The following MAPRE2 variants were observed in gnomAD, a reference collection of about 807,000 sequenced individuals.
MAPRE2 encodes microtubule-associated protein RP/EB family member 2.
In MAPRE2, 13 loss-of-function variants were observed where a neutral mutation model predicts 43.2. The ratio of observed to expected loss-of-function variants is 0.30; its 90% CI spans 0.20 to 0.48. The LOEUF (loss-of-function observed/expected upper bound fraction) is 0.48. Ranked by LOEUF, MAPRE2 falls within the 20% of genes least tolerant of loss-of-function variation. The probability of loss-of-function intolerance (pLI) is 0.99; values close to 1 mark genes in which losing one functional copy is unlikely to be tolerated. For missense variants in MAPRE2, 161 were observed against 400.2 expected, an observed-to-expected ratio of 0.40 and a Z score of 5.10; for synonymous variants, 135 against 148.8, an observed-to-expected ratio of 0.91 and a Z score of 0.68.
intron 2 of MAPRE2, among the ~76,000 whole-genome samples, chr18:35,028,005 C>T (rs887604734): frequency 1.6e-4 from 24 of 152,236 alleles, no homozygotes; most frequent in African/African-American, 5.8e-4. Context: ...GGGCAGCAGA[C>T]CTGCCTTCTT....
chr18:35,117,883 T>A (rs1909483071), intron 4 of MAPRE2, among the ~76,000 whole-genome samples: 1 of 152,150 alleles, frequency 6.6e-6, no homozygotes, highest in Admixed American at 6.5e-5. Context: ...AAATAACTAT[T>A]TAAAAGAGAA....
At chr18:35,019,673 A>C (rs1239820033) in intron 2 of MAPRE2, among the ~76,000 whole-genome samples, 2 of 152,096 alleles carry the variant, frequency 1.3e-5, no homozygotes, top group Non-Finnish European at 2.9e-5. Context: ...AGAGTTGACC[A>C]TTATTTATCC....
At chr18:35,095,530 T>C (rs1603400512) in intron 2 of MAPRE2, among the ~76,000 whole-genome samples, 1 of 151,658 alleles carries the variant, frequency 6.6e-6, no homozygotes, top group Non-Finnish European at 1.5e-5. Context: ...AGGGTTTTTT[T>C]TTTTTTTCAA....
intron 1 of MAPRE2, among the ~76,000 whole-genome samples, chr18:35,000,947 C>T (rs1024509064): frequency 6.6e-6 from 1 of 152,070 alleles, no homozygotes; most frequent in Non-Finnish European, 1.5e-5. Context: ...GATAAAATTC[C>T]ACTCCATACA....
intron 1 of MAPRE2, among the ~76,000 whole-genome samples, chr18:35,003,202 G>A (rs1177715433): frequency 2.6e-5 from 4 of 152,174 alleles, no homozygotes; most frequent in Non-Finnish European, 1.5e-5. Context: ...TTGCAAGGCT[G>A]GGACTTCTTG....
intron 1 of MAPRE2, among the ~76,000 whole-genome samples, chr18:34,980,442 T>C (rs537746036): frequency 2.0e-5 from 3 of 152,294 alleles, no homozygotes; most frequent in Non-Finnish European, 1.5e-5. Context: ...CTTGGTATTC[T>C]ATTTTCTCAT....
chr18:35,115,753 T>C (rs941069560), intron 4 of MAPRE2, among the ~76,000 whole-genome samples: 50 of 152,246 alleles, frequency 3.3e-4, no homozygotes, highest in African/African-American at 1.2e-3. Flanking sequence ...TACCACATTC[T>C]CTTTATCCAC....
intron 1 of MAPRE2, among the ~76,000 whole-genome samples, chr18:35,068,464 A>G (rs1365348819): frequency 2.6e-5 from 4 of 152,212 alleles, no homozygotes; most frequent in African/African-American, 9.6e-5. Context: ...CAATAAAGGT[A>G]TAATTTCAAT....
rs536908983 is a variant in MAPRE2, at chr18:35,076,581, G to A, written c.250+6259G>A. Reference sequence around the variant, plus strand: ...TTACCCTGACAGACTCCCCAGGCTAGGGGGGCCTTTGTCTTATGACACAGG... The same window carrying A: ...TTACCCTGACAGACTCCCCAGGCTAAGGGGGCCTTTGTCTTATGACACAGG... On this transcript the variant is annotated intron_variant, in intron 2 of 6. Transcript: ENST00000300249. 4.0e-5 allele frequency among the ~76,000 whole-genome samples: 6 copies of A among 151,874 alleles called. No individual in the cohort carries two copies. The South Asian group carries it at 1.2e-3, about 31-fold the overall frequency.
chr18:35,131,424 G>A (rs771106615), intron 5 of MAPRE2, among the ~76,000 whole-genome samples: 1 of 152,148 alleles, frequency 6.6e-6, no homozygotes, highest in African/African-American at 2.4e-5. Flanking sequence ...CACAGTTCTG[G>A]AGACTGGGAT....
intron 1 of MAPRE2, among the ~76,000 whole-genome samples, chr18:35,069,224 T>C (rs2150622245): frequency 6.6e-6 from 1 of 152,192 alleles, no homozygotes; most frequent in East Asian, 1.9e-4. Flanking sequence ...AGAAGAAACT[T>C]TATAAAGAAA....
intron 2 of MAPRE2, among the ~76,000 whole-genome samples, chr18:35,035,332 A>AG (rs2097049994): frequency 9.1e-6 from 1 of 109,306 alleles, no homozygotes; most frequent in African/African-American, 3.5e-5. Flanking sequence ...TGGACAAAGG[A>AG]GGGGGAACAT....
At chr18:34,988,665 TG>T (rs1404546852) in intron 1 of MAPRE2, 9 of 152,170 alleles carry the variant, frequency 5.9e-5, no homozygotes, top group Non-Finnish European at 1.0e-4. Context: ...ATCTACACAC[TG>T]GGAATGAAGC....
intron 1 of MAPRE2, among the ~76,000 whole-genome samples, chr18:35,053,758 G>A (rs892949987): frequency 6.6e-5 from 10 of 152,110 alleles, no homozygotes; most frequent in African/African-American, 2.2e-4. Flanking sequence ...ACACAAAGAA[G>A]AGAACAACAG....
At chr18:35,131,545 G>T (rs1440581000) in intron 5 of MAPRE2, among the ~76,000 whole-genome samples, 4 of 152,006 alleles carry the variant, frequency 2.6e-5, no homozygotes, top group Non-Finnish European at 5.9e-5. Flanking sequence ...GCTCGATTGG[G>T]CCTCTTATCA....
intron 2 of MAPRE2, among the ~76,000 whole-genome samples, chr18:35,018,481 T>TA (rs397744190): frequency 1.3e-5 from 2 of 151,402 alleles, no homozygotes; most frequent in African/African-American, 4.8e-5. Flanking sequence ...TTTTTTTTTT[T>TA]AATTACTGAT....
intron 3 of MAPRE2, among the ~76,000 whole-genome samples, chr18:35,098,572 A>G (rs573598264): frequency 1.1e-4 from 16 of 152,312 alleles, no homozygotes; most frequent in Non-Finnish European, 1.5e-4. Context: ...CATTCTCTTT[A>G]ACATCTTAGC....
At position 35,140,363 on chromosome 18, in the gene MAPRE2, G is replaced by T; in HGVS notation, c.978G>T (p.Glu326Asp). ...AHEQQPPQQE[E>D]Y ...AACAGCAGCCCCCGCAGCAGGAAGA[G>T]TACTGACCCACCCCGGCTGCTCTTG... is the stretch of plus-strand genomic sequence containing the variant. Residue 326 changes from glutamate (E) to aspartate (D), a missense_variant, in exon 7 of 7, where the codon GAG becomes GAT. This residue lies in a region of MAPRE2 where 96 missense variants were observed against 153.3 expected (regional missense o/e 0.63). Coordinates refer to ENST00000300249, the MANE Select transcript of MAPRE2 (RefSeq NM_014268.4). 1 of 1,612,392 alleles carries T rather than the reference G, an allele frequency of 6.2e-7. No individual in the cohort carries two copies.
chr18:35,075,162 T>C (rs1907287815), intron 2 of MAPRE2, among the ~76,000 whole-genome samples: 1 of 152,180 alleles, frequency 6.6e-6, no homozygotes, highest in Admixed American at 6.5e-5. Context: ...GATGGCTATG[T>C]GGAAGGAGCA....
Sources: gnomAD v4.1 joint callset for allele counts (sites outside exome capture counted in the v4.1 genomes callset) on GRCh38, gnomAD v4.1.1 for gene constraint, gnomAD v4.1.1 regional missense constraint, MANE v1.5 for transcripts, NCBI Gene and HGNC (gene_info 2026-07-23, HGNC 2026-07-21) for gene names.